The following BIN3 variants were observed in gnomAD, a reference collection of about 807,000 sequenced individuals.
The protein encoded by BIN3 is bridging integrator 3.
A neutral mutation model predicts 38.2 loss-of-function variants in BIN3; 41 were observed. That is an observed-to-expected ratio of 1.07 (90% confidence interval 0.84 to 1.39). The LOEUF is 1.39. BIN3 is among the 40% of genes most tolerant of loss of function. The pLI is 0.00. For synonymous variants in BIN3, 145 were observed against 122.6 expected (o/e 1.18, Z -1.21); for missense variants, 361 against 324.3 (o/e 1.11, Z -0.87).
intron 1 of BIN3, among the ~76,000 whole-genome samples, chr8:22,661,057 A>G (rs1803220158): frequency 6.6e-6 from 1 of 151,448 alleles, no homozygotes; most frequent in Non-Finnish European, 1.5e-5. Context: ...CTAATTTTTA[A>G]TTTTCTTTTT....
At chr8:22,645,843 C>G (rs1802698477) in intron 1 of BIN3, among the ~76,000 whole-genome samples, 1 of 152,146 alleles carries the variant, frequency 6.6e-6, no homozygotes, top group South Asian at 2.1e-4. Flanking sequence ...TAGTGATTGG[C>G]CGGGCTGGAT....
At chr8:22,667,569 T>G (rs149345582) in intron 1 of BIN3, among the ~76,000 whole-genome samples, 1 of 152,296 alleles carries the variant, frequency 6.6e-6, no homozygotes, top group East Asian at 1.9e-4. Context: ...AGAATGACAC[T>G]GAAAGGACGT....
At chr8:22,646,922 C>T (rs1046893540) in intron 1 of BIN3, among the ~76,000 whole-genome samples, 1 of 149,272 alleles carries the variant, frequency 6.7e-6, no homozygotes, top group Non-Finnish European at 1.5e-5. Flanking sequence ...ACTCTGGAGA[C>T]ATTGCAAATG....
chr8:22,634,385 A>C (rs908817656), intron 4 of BIN3: 4 of 426,662 alleles, frequency 9.4e-6, no homozygotes, highest in Non-Finnish European at 1.4e-5. Context: ...AGACGGCCAC[A>C]GTCCCTGCAC....
At chr8:22,633,976 C>T (rs1435221202) in intron 4 of BIN3, among the ~76,000 whole-genome samples, 1 of 152,252 alleles carries the variant, frequency 6.6e-6, no homozygotes, top group East Asian at 1.9e-4. Flanking sequence ...TCTGGTTTCT[C>T]TGCTGGGAAA....
chr8:22,621,326 C>CG lies in BIN3; in HGVS notation c.*95_*96insC. ...GCCGGCAAGTGAACCAGGGCCACCT[C>CG]TGTCCCCAGCCTGTGAGAGGAGCAG... On this transcript the variant is annotated 3_prime_UTR_variant, in exon 9 of 9. Transcript: ENST00000276416. The CG allele has an allele frequency of 6.8e-7, 1 of 1,466,278 alleles. No individual in the cohort carries two copies. Among genetic ancestry groups the CG allele is most frequent in the Non-Finnish European group, 9.1e-7 (1 of 1,096,372 alleles). 90.8% of individuals were successfully genotyped at this position (1,466,278 alleles called of 1,614,324 possible).
At chr8:22,622,423 G>A (rs1056633657) in intron 8 of BIN3, 3 of 152,326 alleles carry the variant, frequency 2.0e-5, no homozygotes, top group Non-Finnish European at 4.4e-5. Flanking sequence ...CGCCGGCCGA[G>A]GGGGTGCTAA....
At chr8:22,623,234 TG>T (rs1351352817) in intron 8 of BIN3, among the ~76,000 whole-genome samples, 1 of 152,290 alleles carries the variant, frequency 6.6e-6, no homozygotes, top group South Asian at 2.1e-4. Context: ...TTTTGCCAGT[TG>T]GGGGAACAAT....
chr8:22,634,437 G>A, intron 4 of BIN3: 1 of 455,354 alleles, frequency 2.2e-6, no homozygotes, highest in Non-Finnish European at 4.4e-6. Flanking sequence ...GGTGACGGCG[G>A]CTCCCAGGGA....
intron 2 of BIN3, among the ~76,000 whole-genome samples, chr8:22,642,076 G>C (rs1219867823): frequency 6.6e-6 from 1 of 152,244 alleles, no homozygotes; most frequent in Non-Finnish European, 1.5e-5. Flanking sequence ...CAGGAGAGCA[G>C]TGAGGGTAGG....
At chr8:22,654,374 A>G (rs1278675780) in intron 1 of BIN3, among the ~76,000 whole-genome samples, 1 of 152,182 alleles carries the variant, frequency 6.6e-6, no homozygotes, top group African/African-American at 2.4e-5. Context: ...TCACCCTTTT[A>G]AAGTGTACAA....
At chr8:22,665,150 GGAGGA>G (rs1803374770) in intron 1 of BIN3, among the ~76,000 whole-genome samples, 1 of 152,184 alleles carries the variant, frequency 6.6e-6, no homozygotes, top group Admixed American at 6.5e-5. Flanking sequence ...ACTTTGGAGT[GGAGGA>G]TCAGAAGGAG....
At chr8:22,637,655 T>G (rs1387086491) in intron 2 of BIN3, among the ~76,000 whole-genome samples, 2 of 152,206 alleles carry the variant, frequency 1.3e-5, no homozygotes, top group African/African-American at 4.8e-5. Flanking sequence ...AGAAGTCTAG[T>G]ACTTTCTTCT....
intron 4 of BIN3, chr8:22,634,569 G>A (rs1167197346): frequency 4.4e-6 from 2 of 455,910 alleles, no homozygotes; most frequent in African/African-American, 2.0e-5. Context: ...CCTCTATTGG[G>A]ACATTTCAAG....
At chr8:22,657,020 A>T (rs1803077836) in intron 1 of BIN3, among the ~76,000 whole-genome samples, 1 of 152,232 alleles carries the variant, frequency 6.6e-6, no homozygotes, top group Non-Finnish European at 1.5e-5. Context: ...TACTAGGCAC[A>T]GTGCTATTTT....
intron 1 of BIN3, among the ~76,000 whole-genome samples, chr8:22,647,709 TTTCA>T (rs1802755563): frequency 6.6e-6 from 1 of 152,170 alleles, no homozygotes; most frequent in African/African-American, 2.4e-5. Flanking sequence ...TTCCTTGTAT[TTTCA>T]CCACAGTTAC....
chr8:22,636,467 G>C (rs1802368389), intron 4 of BIN3, 58 bp downstream of exon 4: 1 of 1,517,888 alleles, frequency 6.6e-7, no homozygotes, highest in Non-Finnish European at 8.9e-7. Flanking sequence ...TGAGAGAGGA[G>C]GGTGCCCACC....
intron 1 of BIN3, among the ~76,000 whole-genome samples, chr8:22,651,754 G>A (rs780029900): frequency 2.6e-4 from 39 of 152,168 alleles, no homozygotes; most frequent in Non-Finnish European, 3.7e-4. Flanking sequence ...GTTTGTCACG[G>A]TGTTGTATAA....
rs1801744457 is a variant in BIN3 at position 22,620,486 on chromosome 8, T to TC, written c.*935dup. The TC allele has an allele frequency of 6.8e-6, 1 of 147,698 alleles. No individual in the cohort carries two copies. The highest frequency in any genetic ancestry group is 6.8e-5 in the Admixed American group (1 of 14,654). 9.1% of individuals were successfully genotyped at this position (147,698 alleles called of 1,614,324 possible). On this transcript the variant is annotated 3_prime_UTR_variant, in exon 9 of 9. Transcript: ENST00000276416. Reference sequence around the variant, plus strand: ...TCAAAAACAAACTGAGAGTGTGTCCTCCACAGCTCTTCCTACTCTCCTAGG... The same window carrying TC: ...TCAAAAACAAACTGAGAGTGTGTCCTCCCACAGCTCTTCCTACTCTCCTAGG...
Sources: allele counts gnomAD v4.1 joint callset (sites outside exome capture counted in the v4.1 genomes callset), GRCh38; gene constraint gnomAD v4.1.1; transcripts MANE v1.5; gene names NCBI Gene and HGNC (gene_info 2026-07-23, HGNC 2026-07-21).